Variants in ATM observed in about 807,000 individuals in gnomAD.
The protein encoded by ATM is ATM serine/threonine kinase.
A neutral mutation model predicts 387.0 loss-of-function variants in ATM; 308 were observed. The ratio of observed to expected loss-of-function variants is 0.80; its 90% CI spans 0.73 to 0.87. The LOEUF is 0.87. Among genes scored for constraint, ATM ranks in the 40% least tolerant of loss-of-function variants. ATM has a pLI of 0.00. For synonymous variants in ATM, 1,156 were observed against 1,187.3 expected, an observed-to-expected ratio of 0.97 and a Z score of 0.54; for missense variants, 3,312 against 3,560.9, an observed-to-expected ratio of 0.93 and a Z score of 1.78.
chr11:108,354,063 A>T (rs2137308373), intron 60 of ATM, among the ~76,000 whole-genome samples, 183 bp downstream of exon 60: 1 of 99,190 alleles, frequency 1.0e-5, no homozygotes, highest in Middle Eastern at 6.0e-3. Flanking sequence ...AAAAATACAC[A>T]CACACAAACA....
At chr11:108,234,799 C>A (rs543254938) in intron 4 of ATM, among the ~76,000 whole-genome samples, 33 of 151,962 alleles carry the variant, frequency 2.2e-4, no homozygotes, top group Middle Eastern at 3.4e-3. Flanking sequence ...TGTGATCATG[C>A]CACTGCACAC....
rs45613232 is a variant in ATM, at chr11:108,315,698, T to G, written c.6007-125T>G. On this transcript the variant is annotated intron_variant, in intron 40 of 62. Transcript: ENST00000675843. ...AACTGTATTTCAGAATCATTACATT[T>G]TATTTCTATAACATAACATTTAGAG... The G allele has an allele frequency of 2.5e-3, 1,820 of 740,480 alleles. 11 individuals carry two copies. The highest frequency in any genetic ancestry group is 0.018 in the African/African-American group (999 of 57,040). The allele number at this position is 740,480 out of a possible 1,614,324, so 45.9% of individuals were successfully genotyped here.
intron 20 of ATM, 129 bp from the exon 21 acceptor site, chr11:108,272,403 C>A: frequency 1.3e-6 from 1 of 794,784 alleles, no homozygotes; most frequent in Non-Finnish European, 2.1e-6. Flanking sequence ...TTGGCATATT[C>A]CACATAATGA....
In ATM at chr11:108,253,926, A is replaced by G. The variant is rs730881344; in HGVS notation, c.2011A>G (p.Ile671Val). The G allele has an allele frequency of 3.7e-6, 6 of 1,614,120 alleles. No homozygotes were observed. The highest frequency in any genetic ancestry group is 1.3e-5 in the African/African-American group (1 of 75,060). ...TTTAACCATTGTGAGAGAATGTGGTATAGAAAAGCACCAGTCCAGTATTGG... is the reference window on the plus strand; with the variant it reads ...TTTAACCATTGTGAGAGAATGTGGTGTAGAAAAGCACCAGTCCAGTATTGG... The part of the protein sequence containing the change: ...DFLTIVRECG[I>V]EKHQSSIGFS... Residue 671 changes from isoleucine to valine, a missense_variant, in exon 13 of 63, where the codon ATA (isoleucine) becomes GTA (valine). Ile to Val is a conservative substitution (Grantham distance 29). Transcript: ENST00000675843.
At chr11:108,283,665 T>C (rs1363613681) in intron 25 of ATM, among the ~76,000 whole-genome samples, 1 of 152,214 alleles carries the variant, frequency 6.6e-6, no homozygotes, top group Non-Finnish European at 1.5e-5. Context: ...TATATCTCTG[T>C]ATATGCGAGG....
chr11:108,326,194 T>C lies in ATM; in HGVS notation c.6944T>C (p.Met2315Thr), dbSNP rs1555120006. The change falls in exon 47 of 63, where the codon ATG becomes ACG. Residue 2315 changes from methionine to threonine, a missense_variant. Physicochemically the swap from Met to Thr is moderately conservative, Grantham distance 81. This residue lies in a region of ATM where 1,405 missense variants were observed against 1,604.4 expected (regional missense o/e 0.88). Transcript: ENST00000675843. ...QSLALSILKQMIKKLDASCAA... is the reference protein window; with the variant it reads ...QSLALSILKQTIKKLDASCAA... ...CTTGCCCTGAGTATTCTCAAGCAAA[T>C]GATCAAGAAGTTGGATGCCAGCTGT... 1.2e-6 allele frequency: 2 copies of C among 1,614,018 alleles called. No individual in the cohort carries two copies. Among genetic ancestry groups the C allele is most frequent in the Non-Finnish European group, 1.7e-6 (2 of 1,180,022 alleles).
chr11:108,244,919 T>G lies in ATM; in HGVS notation c.794T>G (p.Ile265Ser). The G allele has an allele frequency of 6.2e-7, 1 of 1,613,700 alleles. No homozygotes were observed. The highest frequency in any genetic ancestry group is 8.5e-7 in the Non-Finnish European group (1 of 1,179,796). Reference protein sequence around the residue: ...GDEILPTLLYIWTQHRLNDSL... With the variant: ...GDEILPTLLYSWTQHRLNDSL... ...GAAATTCTTCCCACTTTGCTTTATA[T>G]TTGGACTCAACATAGGCTTAATGAT... The change falls in exon 7 of 63, where the codon ATT becomes AGT. Residue 265 changes from isoleucine (I) to serine (S), a missense_variant. Transcript: ENST00000675843.
chr11:108,301,016 C>G (rs1055270189), intron 34 of ATM, among the ~76,000 whole-genome samples: 7 of 151,880 alleles, frequency 4.6e-5, no homozygotes, highest in African/African-American at 1.7e-4. Context: ...CCTGCCTCAG[C>G]CTCCTAATGT....
intron 12 of ATM, among the ~76,000 whole-genome samples, chr11:108,253,226 A>C (rs544120325): frequency 6.6e-6 from 1 of 152,186 alleles, no homozygotes; most frequent in Non-Finnish European, 1.5e-5. Context: ...TAAAGATGTT[A>C]CCCATTTCTG....
rs767736983 is a variant in ATM at position 108,328,813 on chromosome 11, G to A, written c.7090-208G>A. On this transcript the variant is annotated intron_variant, in intron 48 of 62. Transcript: ENST00000675843. Reference sequence around the variant, plus strand: ...CTCATAATGTTTTAAGAAAATGTACGAATTTGTGTTGGGCCACATTCAAAG... The same window carrying A: ...CTCATAATGTTTTAAGAAAATGTACAAATTTGTGTTGGGCCACATTCAAAG... Among the ~76,000 whole-genome samples, 5 of 152,176 alleles carry A rather than the reference G, an allele frequency of 3.3e-5. No homozygotes were observed. The South Asian group carries it at 6.2e-4, about 19-fold the overall frequency.
chr11:108,357,425 A>T (rs2090126730), intron 61 of ATM, among the ~76,000 whole-genome samples: 2 of 152,220 alleles, frequency 1.3e-5, no homozygotes, highest in Admixed American at 6.5e-5. Context: ...GGGAAGCTCG[A>T]ACTGGGTGGA....
rs767207624 is a variant in ATM at position 108,268,489 on chromosome 11, G to A, written c.2718G>A (p.Leu906=). 2 of 1,614,054 alleles carry A rather than the reference G, an allele frequency of 1.2e-6. No individual in the cohort carries two copies. The highest frequency in any genetic ancestry group is 2.2e-5 in the South Asian group (2 of 91,084). ...LFLDMLKFLC[L]CVTTAQTNTV... ...TAGACATGCTCAAGTTCTTGTGTTT[G>A]TGTGTAACTACTGCTCAGACCAATA... is the stretch of plus-strand genomic sequence containing the variant. Residue 906 remains leucine, a synonymous_variant, in exon 18 of 63, where the codon TTG becomes TTA. Coordinates refer to ENST00000675843, the MANE Select transcript of ATM (RefSeq NM_000051.4).
intron 31 of ATM, among the ~76,000 whole-genome samples, chr11:108,294,656 C>A (rs1429605360): frequency 6.6e-6 from 1 of 152,200 alleles, no homozygotes; most frequent in Admixed American, 6.5e-5. Flanking sequence ...ATTAGAATCA[C>A]TTGAACCGGG....
In ATM at chr11:108,273,157, GTT is replaced by G. The variant is rs761633039; in HGVS notation, c.3284+307_3284+308del. Among the ~76,000 whole-genome samples the G allele has an allele frequency of 1.1e-4, 16 of 152,110 alleles. No homozygotes were observed. The East Asian group carries it at 3.1e-3, about 29-fold the overall frequency. On this transcript the variant is annotated intron_variant, in intron 22 of 62. Coordinates refer to ENST00000675843, the MANE Select transcript of ATM (RefSeq NM_000051.4). Reference sequence around the variant, plus strand: ...CTATCATGTACAGGAGATACGGACTGTTTGGAAATTACTGTGATTTTATGTGA... The same window carrying G: ...CTATCATGTACAGGAGATACGGACTGTGGAAATTACTGTGATTTTATGTGA...
At chr11:108,307,814 G>C in intron 37 of ATM, 83 bp from the exon 38 acceptor site, 1 of 1,257,994 alleles carries the variant, frequency 7.9e-7, no homozygotes, top group Non-Finnish European at 1.1e-6. Context: ...ATAGCATAGT[G>C]GGAGACAGAC....
chr11:108,299,049 G>C (rs558648246), intron 33 of ATM, among the ~76,000 whole-genome samples: 3 of 152,306 alleles, frequency 2.0e-5, no homozygotes, highest in African/African-American at 4.8e-5. Flanking sequence ...CACTCAACGG[G>C]AGGGAAGTTA....
In ATM at chr11:108,325,571, C is replaced by CGTA. The variant is rs748362185; in HGVS notation, c.6807+27_6807+28insGTA. 1.3e-5 allele frequency: 20 copies of CGTA among 1,539,020 alleles called. No individual in the cohort carries two copies. In the South Asian group the frequency reaches 2.2e-4, roughly 17 times the overall value. On this transcript the variant is annotated intron_variant, in intron 46 of 62. Transcript: ENST00000675843. Reference sequence around the variant, plus strand: ...TAAATACAATTTAAAACTATGTCATCTTACCTCTTGACTTTCCTTTTATTA... The same window carrying CGTA: ...TAAATACAATTTAAAACTATGTCATCGTATTACCTCTTGACTTTCCTTTTATTA...
chr11:108,311,593 G>A (rs1176073703), intron 39 of ATM, among the ~76,000 whole-genome samples: 1 of 152,072 alleles, frequency 6.6e-6, no homozygotes, highest in Non-Finnish European at 1.5e-5. Flanking sequence ...AGCAACTCAG[G>A]AGGCTGAGGG....
chr11:108,271,010 T>C (rs1487506612), intron 18 of ATM, 54 bp from the exon 19 acceptor site: 2 of 1,478,108 alleles, frequency 1.4e-6, no homozygotes, highest in African/African-American at 2.8e-5. Flanking sequence ...TATATACTTT[T>C]TAAAGTAAAT....
Sources: gnomAD v4.1 joint callset for allele counts (sites outside exome capture counted in the v4.1 genomes callset) on GRCh38, gnomAD v4.1.1 for gene constraint, gnomAD v4.1.1 regional missense constraint, MANE v1.5 for transcripts, NCBI Gene and HGNC (gene_info 2026-07-23, HGNC 2026-07-21) for gene names.